IQSEC1: variants seen among roughly 807,000 people sequenced by gnomAD.
IQSEC1 encodes IQ motif and Sec7 domain ArfGEF 1.
IQSEC1 carries 31 observed loss-of-function variants against 91.0 expected under a neutral mutation model. The ratio of observed to expected loss-of-function variants is 0.34; its 90% CI spans 0.26 to 0.46. The LOEUF (loss-of-function observed/expected upper bound fraction) is 0.46. Among genes scored for constraint, IQSEC1 ranks in the 20% least tolerant of loss-of-function variants. IQSEC1 has a pLI of 1.00. For synonymous variants in IQSEC1, 699 were observed against 662.6 expected (o/e 1.05, Z -0.84); for missense variants, 1,388 against 1,575.6 (o/e 0.88, Z 2.02).
chr3:13,220,038 C>T (rs770832634), intron 1 of IQSEC1, among the ~76,000 whole-genome samples: 25 of 152,288 alleles, frequency 1.6e-4, no homozygotes, highest in Non-Finnish European at 3.2e-4. Context: ...GTGCAGCCAC[C>T]TGTGCTCAGG....
intron 2 of IQSEC1, among the ~76,000 whole-genome samples, chr3:13,093,809 G>A (rs1455373932): frequency 1.3e-5 from 2 of 152,146 alleles, no homozygotes; most frequent in South Asian, 4.1e-4. Flanking sequence ...ACGTGACTCC[G>A]CTAGGTCTCC....
intron 8 of IQSEC1, 80 bp downstream of exon 8, chr3:12,915,024 G>C: frequency 7.0e-7 from 1 of 1,428,728 alleles, no homozygotes; most frequent in Non-Finnish European, 9.7e-7. Flanking sequence ...TGGGAGCCTG[G>C]GGAGCCGGCG....
At chr3:12,968,008 G>C (rs910182290) in intron 1 of IQSEC1, among the ~76,000 whole-genome samples, 2 of 152,222 alleles carry the variant, frequency 1.3e-5, no homozygotes, top group Non-Finnish European at 2.9e-5. Context: ...AGGTCCCAGC[G>C]CGCGAAGCCT....
chr3:12,920,402 G>A (rs997091550), intron 6 of IQSEC1, 28 bp downstream of exon 6: 1 of 1,608,360 alleles, frequency 6.2e-7, no homozygotes, highest in Admixed American at 1.7e-5. Context: ...GCAAATCTGT[G>A]GCTGGCCGAC....
At chr3:13,199,895 A>G (rs1484919966) in intron 1 of IQSEC1, among the ~76,000 whole-genome samples, 1 of 151,684 alleles carries the variant, frequency 6.6e-6, no homozygotes, top group Non-Finnish European at 1.5e-5. Flanking sequence ...CACCACACAC[A>G]CACACAACAA....
chr3:13,212,135 C>T (rs1035076362), intron 1 of IQSEC1, among the ~76,000 whole-genome samples: 1 of 152,208 alleles, frequency 6.6e-6, no homozygotes, highest in Non-Finnish European at 1.5e-5. Flanking sequence ...TGGAGCTAAT[C>T]GTACCTTCCC....
At chr3:13,274,787 T>C (rs1462341335) in intron 1 of IQSEC1, among the ~76,000 whole-genome samples, 1 of 152,240 alleles carries the variant, frequency 6.6e-6, no homozygotes, top group Non-Finnish European at 1.5e-5. Context: ...CCACTGCCCA[T>C]AGCAGCCCTG....
At chr3:13,054,811 G>T (rs925041158) in intron 1 of IQSEC1, among the ~76,000 whole-genome samples, 6 of 152,222 alleles carry the variant, frequency 3.9e-5, no homozygotes, top group Non-Finnish European at 8.8e-5. Flanking sequence ...AGGAGCCACG[G>T]CAGGGCACTC....
chr3:13,272,991 C>G (rs948990687), intron 1 of IQSEC1, among the ~76,000 whole-genome samples: 3 of 152,184 alleles, frequency 2.0e-5, no homozygotes, highest in Admixed American at 6.5e-5. Flanking sequence ...TCCTTCTCAA[C>G]AGAGAAAGAA....
intron 1 of IQSEC1, among the ~76,000 whole-genome samples, chr3:13,229,248 C>T (rs1218226499): frequency 6.6e-6 from 1 of 152,204 alleles, no homozygotes; most frequent in Non-Finnish European, 1.5e-5. Context: ...TTGTCAAGTT[C>T]TTAGTATGGT....
At chr3:13,263,442 A>AAG (rs1289450533) in intron 1 of IQSEC1, among the ~76,000 whole-genome samples, 9 of 117,996 alleles carry the variant, frequency 7.6e-5, no homozygotes, top group Admixed American at 5.0e-4. Flanking sequence ...GGGGGGGGAA[A>AAG]GTACCTGACA....
intron 1 of IQSEC1, among the ~76,000 whole-genome samples, chr3:13,026,125 T>C (rs532483597): frequency 4.6e-5 from 7 of 152,178 alleles, no homozygotes; most frequent in Non-Finnish European, 1.0e-4. Context: ...GAATGATAGG[T>C]CAGGGTACTC....
rs1017958771 is a variant in IQSEC1, at chr3:12,922,966, G to C, written c.1731-724C>G. Among the ~76,000 whole-genome samples, 2 of 152,168 alleles carry C rather than the reference G, an allele frequency of 1.3e-5. No homozygotes were observed. The highest frequency in any genetic ancestry group is 4.8e-5 in the African/African-American group (2 of 41,432). ...AATGATGCTGCGGTCACTCCCATGG[G>C]GCAGAGAGAGGCCTGGCCACACAGG... is the stretch of plus-strand genomic sequence containing the variant. On this transcript the variant is annotated intron_variant, in intron 4 of 13. Transcript: ENST00000613206. This position sits in a 1 kb window ranked among gnomAD's most constrained non-coding sequence, Gnocchi z 5.1.
chr3:13,246,867 TG>T (rs1695116906), intron 1 of IQSEC1, among the ~76,000 whole-genome samples: 2 of 152,156 alleles, frequency 1.3e-5, no homozygotes, highest in African/African-American at 4.8e-5. Context: ...GGGACACAGC[TG>T]GGGCCCCACC....
At chr3:13,224,896 T>C (rs776089676) in intron 1 of IQSEC1, among the ~76,000 whole-genome samples, 3 of 152,252 alleles carry the variant, frequency 2.0e-5, no homozygotes, top group Non-Finnish European at 2.9e-5. Context: ...CAGCAAAGCA[T>C]ACCGGATGCC....
In IQSEC1 at chr3:12,901,185, G is replaced by T; in HGVS notation, c.3143C>A (p.Pro1048Gln). 6.5e-7 allele frequency: 1 copy of T among 1,540,876 alleles called. No homozygotes were observed. Residue 1048 changes from proline (P) to glutamine (Q), a missense_variant, in exon 14 of 14, where the codon CCA becomes CAA. By Grantham distance (76) the Pro-to-Gln change is moderately conservative (BLOSUM62 -1). Around this residue, in one of 2 missense-constraint regions of IQSEC1, gnomAD observed 329 missense variants for 257.8 expected, o/e 1.28. Coordinates refer to ENST00000613206, the MANE Select transcript of IQSEC1 (RefSeq NM_001134382.3). ...PPYHHHHHHH[P>Q]PQHIQHAHQY... Reference sequence around the variant, plus strand: ...GTGTGCGTGCTGGATGTGCTGGGGTGGGTGGTGGTGGTGGTGATGGTGGTA... The same window carrying T: ...GTGTGCGTGCTGGATGTGCTGGGGTTGGTGGTGGTGGTGGTGATGGTGGTA...
intron 2 of IQSEC1, among the ~76,000 whole-genome samples, chr3:13,135,349 C>T (rs1456891838): frequency 6.6e-6 from 1 of 152,214 alleles, no homozygotes; most frequent in East Asian, 1.9e-4. Flanking sequence ...AGGAGTGGAG[C>T]CTGGGAGCTA....
At chr3:13,164,431 C>T (rs1174538882) in intron 1 of IQSEC1, among the ~76,000 whole-genome samples, 3 of 152,084 alleles carry the variant, frequency 2.0e-5, no homozygotes, top group Admixed American at 6.6e-5. Context: ...CCCCAGGAGT[C>T]AAGAGCAAAG....
At chr3:13,238,551 T>C (rs943719742) in intron 1 of IQSEC1, among the ~76,000 whole-genome samples, 2 of 152,196 alleles carry the variant, frequency 1.3e-5, no homozygotes, top group African/African-American at 4.8e-5. Flanking sequence ...TCCTTCCCAG[T>C]AGGAGCTCGA....
Sources: gnomAD v4.1 joint callset for allele counts (sites outside exome capture counted in the v4.1 genomes callset) on GRCh38, gnomAD v4.1.1 for gene constraint, gnomAD v4.1.1 regional missense constraint, Gnocchi (gnomAD v3.1) non-coding constraint, MANE v1.5 for transcripts, NCBI Gene and HGNC (gene_info 2026-07-23, HGNC 2026-07-21) for gene names.